The following ACAP2 variants were observed in gnomAD, a reference collection of about 807,000 sequenced individuals.
ACAP2 encodes the protein arf-GAP with coiled-coil, ANK repeat and PH domain-containing protein 2.
ACAP2 carries 39 observed loss-of-function variants against 115.8 expected under a neutral mutation model. That is an observed-to-expected ratio of 0.34 (90% CI 0.26 to 0.44). The LOEUF (loss-of-function observed/expected upper bound fraction) is 0.44, where lower values mean the gene tolerates loss of function less well. Ranked by LOEUF, ACAP2 falls within the 20% of genes least tolerant of loss-of-function variation. ACAP2 has a pLI of 1.00. For synonymous variants in ACAP2, 289 were observed against 315.8 expected, an observed-to-expected ratio of 0.92 and a Z score of 0.90; for missense variants, 662 against 927.6, an observed-to-expected ratio of 0.71 and a Z score of 3.72.
At chr3:195,340,064 A>G (rs1730766342) in intron 6 of ACAP2, among the ~76,000 whole-genome samples, 2 of 151,608 alleles carry the variant, frequency 1.3e-5, no homozygotes, top group South Asian at 4.2e-4. Flanking sequence ...CACAAAACAG[A>G]GAGTGAATTA....
At chr3:195,330,243 C>T (rs1730077926) in intron 8 of ACAP2, among the ~76,000 whole-genome samples, 1 of 152,172 alleles carries the variant, frequency 6.6e-6, no homozygotes, top group Non-Finnish European at 1.5e-5. Context: ...CTAACCATTT[C>T]TATCTCTACT....
At chr3:195,354,283 G>A (rs748431404) in intron 4 of ACAP2, among the ~76,000 whole-genome samples, 83 of 152,270 alleles carry the variant, frequency 5.5e-4, no homozygotes, top group Non-Finnish European at 9.8e-4. Flanking sequence ...CTTTGCTGTT[G>A]TGAATAGTGC....
At chr3:195,427,101 G>A (rs1457817548) in intron 1 of ACAP2, among the ~76,000 whole-genome samples, 1 of 152,170 alleles carries the variant, frequency 6.6e-6, no homozygotes, top group Non-Finnish European at 1.5e-5. Flanking sequence ...AGTAAAAGAG[G>A]AGGATAGAAG....
intron 1 of ACAP2, among the ~76,000 whole-genome samples, chr3:195,396,206 G>A (rs1055952074): frequency 5.3e-5 from 8 of 151,414 alleles, no homozygotes; most frequent in African/African-American, 1.2e-4. Context: ...AGCTGAGATC[G>A]CGCCACTGCA....
chr3:195,348,473 A>G (rs1347826271), intron 4 of ACAP2, among the ~76,000 whole-genome samples: 2 of 152,152 alleles, frequency 1.3e-5, no homozygotes, highest in Non-Finnish European at 2.9e-5. Context: ...AAAAAAATCT[A>G]TCGGAAAATC....
chr3:195,383,656 A>G (rs1380153539), intron 2 of ACAP2, among the ~76,000 whole-genome samples: 1 of 152,090 alleles, frequency 6.6e-6, no homozygotes, highest in African/African-American at 2.4e-5. Flanking sequence ...TGATCAATCC[A>G]ATTACATAAT....
intron 4 of ACAP2, among the ~76,000 whole-genome samples, chr3:195,350,928 A>G (rs951373179): frequency 6.6e-6 from 1 of 152,114 alleles, no homozygotes; most frequent in African/African-American, 2.4e-5. Flanking sequence ...CTTACTGAAT[A>G]GGGTTAAGCA....
chr3:195,300,626 C>T (rs1464314425), intron 15 of ACAP2, among the ~76,000 whole-genome samples: 1 of 152,156 alleles, frequency 6.6e-6, no homozygotes, highest in African/African-American at 2.4e-5. Flanking sequence ...CCAATGGTGT[C>T]AAAAGCTTTT....
intron 1 of ACAP2, among the ~76,000 whole-genome samples, chr3:195,392,880 T>C (rs1455872289): frequency 6.6e-6 from 1 of 152,216 alleles, no homozygotes; most frequent in African/African-American, 2.4e-5. Flanking sequence ...TATAACAAAA[T>C]GTAATTCATC....
chr3:195,418,443 A>C lies in ACAP2; in HGVS notation c.53+24352T>G, dbSNP rs568988395. Among the ~76,000 whole-genome samples, 8 of 152,330 alleles carry C rather than the reference A, an allele frequency of 5.3e-5. No homozygotes were observed. In the East Asian group the frequency reaches 1.5e-3, roughly 29 times the overall value. ...GTAGAATTTCCTTCAAAAAGGAAGA[A>C]ACTGCTGTTTTGTTGTTCTTGCCAG... On this transcript the variant is annotated intron_variant, in intron 1 of 22. Transcript: ENST00000326793.
chr3:195,411,927 A>G (rs1713296133), intron 1 of ACAP2, among the ~76,000 whole-genome samples: 1 of 151,882 alleles, frequency 6.6e-6, no homozygotes, highest in Non-Finnish European at 1.5e-5. Flanking sequence ...AATGTCAAAA[A>G]CAAATTGTTT....
chr3:195,291,834 A>G lies in ACAP2; in HGVS notation c.1954-19T>C. 6.3e-7 allele frequency: 1 copy of G among 1,591,736 alleles called. No homozygotes were observed. The stretch of plus-strand genomic sequence containing the variant: ...AAGAGCCCTTAAAGGAAAAAAGAGG[A>G]TAACTATAGACAAAAGCAAATAACA... On this transcript the variant is annotated intron_variant, in intron 19 of 22. Transcript: ENST00000326793.
At chr3:195,314,456 C>A (rs1728962603) in intron 10 of ACAP2, among the ~76,000 whole-genome samples, 1 of 151,944 alleles carries the variant, frequency 6.6e-6, no homozygotes, top group Non-Finnish European at 1.5e-5. Flanking sequence ...TTAGTAGAGA[C>A]AGGGTTCTCG....
intron 10 of ACAP2, among the ~76,000 whole-genome samples, chr3:195,320,265 G>A (rs1379027606): frequency 1.3e-5 from 2 of 151,994 alleles, no homozygotes; most frequent in African/African-American, 4.8e-5. Flanking sequence ...CAAACACTAA[G>A]TAAAAATGTA....
chr3:195,302,455 ACTAGT>A (rs952557321), intron 13 of ACAP2, among the ~76,000 whole-genome samples: 16 of 152,204 alleles, frequency 1.1e-4, no homozygotes, highest in Non-Finnish European at 2.1e-4. Context: ...GAAAGGGAAC[ACTAGT>A]CTAACATGCA....
chr3:195,377,333 C>A (rs1733622023), intron 4 of ACAP2, among the ~76,000 whole-genome samples: 1 of 151,520 alleles, frequency 6.6e-6, no homozygotes, highest in Non-Finnish European at 1.5e-5. Context: ...CTTGTAGAGA[C>A]CGAGTTTCGC....
intron 1 of ACAP2, chr3:195,442,393 G>T: frequency 3.7e-6 from 1 of 270,782 alleles, no homozygotes; most frequent in African/African-American, 2.2e-5. Context: ...TGGGGAGGGG[G>T]TGGAAACCAA....
At chr3:195,426,549 G>A (rs921660417) in intron 1 of ACAP2, among the ~76,000 whole-genome samples, 1 of 152,028 alleles carries the variant, frequency 6.6e-6, no homozygotes, top group African/African-American at 2.4e-5. Flanking sequence ...TCTAAAACAG[G>A]ATTAAGCAGT....
At chr3:195,420,509 C>A (rs1032596428) in intron 1 of ACAP2, among the ~76,000 whole-genome samples, 1 of 151,908 alleles carries the variant, frequency 6.6e-6, no homozygotes, top group African/African-American at 2.4e-5. Flanking sequence ...CCACCACACC[C>A]GGCTAATTTT....
Sources: allele counts gnomAD v4.1 joint callset (sites outside exome capture counted in the v4.1 genomes callset), GRCh38; gene constraint gnomAD v4.1.1; transcripts MANE v1.5; gene names NCBI Gene and HGNC (gene_info 2026-07-23, HGNC 2026-07-21).